Variants in TMEM243 observed in about 807,000 individuals in gnomAD.
The protein encoded by TMEM243 is MDR1 and mitochondrial taxol resistance associated.
A neutral mutation model predicts 15.0 loss-of-function variants in TMEM243; 20 were observed. The ratio of observed to expected loss-of-function variants is 1.33; its 90% CI spans 0.94 to 1.93. The LOEUF (loss-of-function observed/expected upper bound fraction) is 1.93, where lower values mean the gene tolerates loss of function less well. TMEM243 is among the 30% of genes most tolerant of loss of function. The pLI is 0.00. For missense variants in TMEM243, 156 were observed against 142.1 expected (o/e 1.10, Z -0.50); for synonymous variants, 72 against 52.7 (o/e 1.37, Z -1.59).
At chr7:87,206,508 T>C (rs996751425) in intron 1 of TMEM243, among the ~76,000 whole-genome samples, 3 of 152,142 alleles carry the variant, frequency 2.0e-5, no homozygotes, top group East Asian at 1.9e-4. Flanking sequence ...CCACAAATAG[T>C]ACCAAACCCT....
intron 1 of TMEM243, among the ~76,000 whole-genome samples, chr7:87,205,532 A>G (rs1042654025): frequency 2.6e-5 from 4 of 152,148 alleles, no homozygotes; most frequent in African/African-American, 9.7e-5. Flanking sequence ...CTTCTGCCAG[A>G]TACCCTAACT....
intron 1 of TMEM243, among the ~76,000 whole-genome samples, chr7:87,210,794 T>A (rs182184731): frequency 4.3e-4 from 65 of 152,306 alleles, no homozygotes; most frequent in African/African-American, 1.5e-3. Context: ...ATGCAATCCA[T>A]AACGGCTCCC....
chr7:87,206,721 G>A (rs1280089474), intron 1 of TMEM243, among the ~76,000 whole-genome samples: 2 of 152,160 alleles, frequency 1.3e-5, no homozygotes, highest in African/African-American at 2.4e-5. Context: ...TTGGACCATG[G>A]CTGACCACAG....
chr7:87,199,344 C>G (rs1296419095), intron 1 of TMEM243: 1 of 341,100 alleles, frequency 2.9e-6, no homozygotes. Flanking sequence ...ACAAATAATG[C>G]ATGTGCTGCT....
At chr7:87,206,008 C>T (rs1277360145) in intron 1 of TMEM243, among the ~76,000 whole-genome samples, 1 of 152,110 alleles carries the variant, frequency 6.6e-6, no homozygotes, top group African/African-American at 2.4e-5. Flanking sequence ...AATGGACTCA[C>T]AGTTTCAAGT....
At chr7:87,212,997 G>A (rs1474910271) in intron 1 of TMEM243, among the ~76,000 whole-genome samples, 1 of 152,204 alleles carries the variant, frequency 6.6e-6, no homozygotes, top group Non-Finnish European at 1.5e-5. Context: ...TGGATTACAG[G>A]GAAGGTTCTA....
At chr7:87,199,285 TTTA>T in intron 1 of TMEM243, 1 of 450,844 alleles carries the variant, frequency 2.2e-6, no homozygotes, top group Non-Finnish European at 3.9e-6. Context: ...GGACAGAACA[TTTA>T]TACTAGAGTC....
At chr7:87,203,449 CA>C (rs200780282) in intron 1 of TMEM243, among the ~76,000 whole-genome samples, 3,999 of 151,076 alleles carry the variant, frequency 0.026, 78 homozygotes, top group East Asian at 0.064. Flanking sequence ...CTTGTATCTA[CA>C]AAAAAAATAT....
At chr7:87,219,285 G>A (rs543241487) in intron 1 of TMEM243, 141 bp downstream of exon 1, 168 of 771,758 alleles carry the variant, frequency 2.2e-4, no homozygotes, top group Non-Finnish European at 3.4e-4. Context: ...CAAACATCTT[G>A]AGAGGGAAGT....
chr7:87,211,526 T>G (rs1802749556), intron 1 of TMEM243, among the ~76,000 whole-genome samples: 1 of 152,232 alleles, frequency 6.6e-6, no homozygotes, highest in South Asian at 2.1e-4. Flanking sequence ...AAAAGTTTGA[T>G]TCTCAGAAAT....
chr7:87,199,016 T>C lies in TMEM243; in HGVS notation c.120A>G (p.Leu40=). Reference sequence around the variant, plus strand: ...AAATGAGGATACTTACTAGAATCAATAAGGATGTTAAGCTGCCAACAACTA... The same window carrying C: ...AAATGAGGATACTTACTAGAATCAACAAGGATGTTAAGCTGCCAACAACTA... ...INLVVGSLTS[L]LILVTLISAF... The change falls in exon 2 of 4, where the codon TTA becomes TTG. Residue 40 remains leucine, a synonymous_variant. Transcript: ENST00000257637. 6.2e-7 allele frequency: 1 copy of C among 1,603,102 alleles called. No individual in the cohort carries two copies. The highest frequency in any genetic ancestry group is 1.1e-5 in the South Asian group (1 of 88,940).
intron 1 of TMEM243, among the ~76,000 whole-genome samples, chr7:87,212,396 G>A (rs1392879387): frequency 6.6e-6 from 1 of 151,994 alleles, no homozygotes; most frequent in African/African-American, 2.4e-5. Context: ...CAGAAAATAT[G>A]GTCACTATAC....
intron 3 of TMEM243, among the ~76,000 whole-genome samples, chr7:87,197,524 GTAGAT>G (rs1188640125): frequency 6.6e-6 from 1 of 151,858 alleles, no homozygotes; most frequent in South Asian, 2.1e-4. Flanking sequence ...AAACAAACAT[GTAGAT>G]TAAACTAATT....
chr7:87,218,017 C>T (rs921104949), intron 1 of TMEM243, among the ~76,000 whole-genome samples: 3 of 152,264 alleles, frequency 2.0e-5, no homozygotes, highest in South Asian at 2.1e-4. Flanking sequence ...TGCTGAAGCA[C>T]GCTGGGGAGG....
chr7:87,205,640 G>T (rs1189825116), intron 1 of TMEM243, among the ~76,000 whole-genome samples: 3 of 152,136 alleles, frequency 2.0e-5, no homozygotes, highest in Non-Finnish European at 2.9e-5. Flanking sequence ...CTTTACTCCA[G>T]TTCCCAACAA....
intron 1 of TMEM243, among the ~76,000 whole-genome samples, chr7:87,201,735 C>A (rs1004963157): frequency 2.0e-5 from 3 of 152,340 alleles, no homozygotes; most frequent in Admixed American, 6.5e-5. Context: ...TCTACTTCTA[C>A]AGCTAGTCTC....
intron 1 of TMEM243, among the ~76,000 whole-genome samples, chr7:87,209,835 A>AGAGC (rs1194125726): frequency 6.6e-5 from 9 of 136,868 alleles, no homozygotes; most frequent in Non-Finnish European, 9.4e-5. Context: ...AGACAGTGAG[A>AGAGC]GAGAGACAGT....
chr7:87,196,629 G>C lies in TMEM243; in HGVS notation c.*7C>G. Reference sequence around the variant, plus strand: ...AGAGTCCTGGTAAGTACTTCTCCTTGGCAGCCTCACCTTCCCACATCATGG... The same window carrying C: ...AGAGTCCTGGTAAGTACTTCTCCTTCGCAGCCTCACCTTCCCACATCATGG... On this transcript the variant is annotated 3_prime_UTR_variant, in exon 4 of 4. Coordinates refer to ENST00000257637, the MANE Select transcript of TMEM243 (RefSeq NM_024315.4). The C allele has an allele frequency of 6.2e-7, 1 of 1,607,292 alleles. No individual in the cohort carries two copies. The highest frequency in any genetic ancestry group is 8.5e-7 in the Non-Finnish European group (1 of 1,177,158).
At position 87,219,416 on chromosome 7, in the gene TMEM243, C is replaced by G; in HGVS notation, c.78+10G>C. ...CCCCATCCCAGTCTGGAGTCACAATCCGCACTCACCTTGGCGGACGTCTCC... is the reference window on the plus strand; with the variant it reads ...CCCCATCCCAGTCTGGAGTCACAATGCGCACTCACCTTGGCGGACGTCTCC... On this transcript the variant is annotated intron_variant, in intron 1 of 3. Coordinates refer to ENST00000257637, the MANE Select transcript of TMEM243 (RefSeq NM_024315.4). The G allele has an allele frequency of 1.9e-6, 3 of 1,614,006 alleles. No homozygotes were observed. Among genetic ancestry groups the G allele is most frequent in the Non-Finnish European group, 2.5e-6 (3 of 1,179,840 alleles).
Sources: gnomAD v4.1 joint callset for allele counts (sites outside exome capture counted in the v4.1 genomes callset) on GRCh38, gnomAD v4.1.1 for gene constraint, MANE v1.5 for transcripts, NCBI Gene and HGNC (gene_info 2026-07-23, HGNC 2026-07-21) for gene names.